ARHGAP39: variants seen among roughly 807,000 people sequenced by gnomAD.
ARHGAP39 encodes rho GTPase-activating protein 39.
Under a neutral mutation model 106.9 loss-of-function variants are expected in ARHGAP39, and 44 were observed. That is an observed-to-expected ratio of 0.41 (90% confidence interval 0.32 to 0.53). The LOEUF (loss-of-function observed/expected upper bound fraction) is 0.53, where lower values mean the gene tolerates loss of function less well. ARHGAP39 is among the 20% of genes least tolerant of loss of function. The pLI, the probability that ARHGAP39 is intolerant of heterozygous loss-of-function variation, is 0.21. For missense variants in ARHGAP39, 1,496 were observed against 1,577.3 expected, an observed-to-expected ratio of 0.95 and a Z score of 0.87; for synonymous variants, 768 against 693.2, an observed-to-expected ratio of 1.11 and a Z score of -1.69.
At chr8:144,681,933 G>A (rs1822430495) in intron 1 of ARHGAP39, among the ~76,000 whole-genome samples, 2 of 152,170 alleles carry the variant, frequency 1.3e-5, no homozygotes. Flanking sequence ...ATCTCCTTGA[G>A]AAATATGGGG....
chr8:144,600,041 G>T (rs1819788125), intron 2 of ARHGAP39, among the ~76,000 whole-genome samples: 1 of 152,234 alleles, frequency 6.6e-6, no homozygotes, highest in Non-Finnish European at 1.5e-5. Context: ...TTGTGCGCGT[G>T]GAGGCATGCA....
intron 3 of ARHGAP39, among the ~76,000 whole-genome samples, chr8:144,558,309 T>C (rs1210923734): frequency 2.0e-5 from 3 of 152,148 alleles, no homozygotes; most frequent in East Asian, 1.9e-4. Context: ...GGCTGGGGGA[T>C]GGAGTCTCTC....
rs1361880102 is a variant in ARHGAP39, at chr8:144,604,010, G to GCGAACAAACGAATGAAGAA, written c.80+1506_80+1524dup. ...CCAACGGAGCTCACAGCCCACATCA[G>GCGAACAAACGAATGAAGAA]CGAACAAACGAATGAAGAACGAACA... On this transcript the variant is annotated intron_variant, in intron 2 of 11. Transcript: ENST00000377307. This position sits in a 1 kb window ranked among gnomAD's most constrained non-coding sequence, Gnocchi z 4.1. Among the ~76,000 whole-genome samples, 1 of 152,238 alleles carries GCGAACAAACGAATGAAGAA rather than the reference G, an allele frequency of 6.6e-6. No individual in the cohort carries two copies. Among genetic ancestry groups the GCGAACAAACGAATGAAGAA allele is most frequent in the South Asian group, 2.1e-4 (1 of 4,834 alleles).
chr8:144,652,623 G>A (rs1423268170), intron 1 of ARHGAP39, among the ~76,000 whole-genome samples: 1 of 152,202 alleles, frequency 6.6e-6, no homozygotes, highest in Non-Finnish European at 1.5e-5. Context: ...CATGGATGGA[G>A]CTGGAGGCTA....
In ARHGAP39 at chr8:144,545,633, T is replaced by G. The variant is rs780985193; in HGVS notation, c.2137A>C (p.Lys713Gln). The G allele has an allele frequency of 6.2e-7, 1 of 1,613,620 alleles. No homozygotes were observed. The highest frequency in any genetic ancestry group is 8.5e-7 in the Non-Finnish European group (1 of 1,180,000). The change falls in exon 6 of 12, where the codon AAG (lysine) becomes CAG (glutamine). Residue 713 changes from lysine to glutamine, a missense_variant. By Grantham distance (53) the Lys-to-Gln change is moderately conservative. Coordinates refer to ENST00000377307, the MANE Select transcript of ARHGAP39 (RefSeq NM_025251.3). The part of the protein sequence containing the change: ...NKHTQGLFRR[K>Q]VSIANMLAWS... Reference sequence around the variant, plus strand: ...GCCAGCATGTTGGCGATGGACACCTTCCGCCGGAAGAGGCCCTGCGTGTGC... The same window carrying G: ...GCCAGCATGTTGGCGATGGACACCTGCCGCCGGAAGAGGCCCTGCGTGTGC...
intron 3 of ARHGAP39, among the ~76,000 whole-genome samples, chr8:144,569,930 A>G (rs1818526413): frequency 6.6e-6 from 1 of 152,184 alleles, no homozygotes. Flanking sequence ...AGAAAAGCGT[A>G]TATGCTGAGG....
At chr8:144,571,666 A>G (rs1432707166) in intron 3 of ARHGAP39, among the ~76,000 whole-genome samples, 3 of 152,206 alleles carry the variant, frequency 2.0e-5, no homozygotes, top group Admixed American at 2.0e-4. Context: ...AAAGAAATAA[A>G]GGGTATTCAA....
intron 4 of ARHGAP39, among the ~76,000 whole-genome samples, chr8:144,551,639 C>T (rs528565618): frequency 1.3e-5 from 2 of 152,172 alleles, no homozygotes; most frequent in East Asian, 1.9e-4. Flanking sequence ...ATGTAGGCAG[C>T]TCTGCTCTTT....
chr8:144,600,033 G>A (rs1819787607), intron 2 of ARHGAP39, among the ~76,000 whole-genome samples: 1 of 152,268 alleles, frequency 6.6e-6, no homozygotes, highest in Admixed American at 6.5e-5. Context: ...GGAGGCGTTT[G>A]TGCGCGTGGA....
intron 2 of ARHGAP39, among the ~76,000 whole-genome samples, chr8:144,600,110 T>C (rs561397573): frequency 2.6e-5 from 4 of 152,110 alleles, no homozygotes; most frequent in African/African-American, 9.6e-5. Flanking sequence ...CTTGTGTACC[T>C]ATGTGTGCGT....
At chr8:144,556,192 G>A (rs1267348432) in intron 3 of ARHGAP39, among the ~76,000 whole-genome samples, 1 of 151,754 alleles carries the variant, frequency 6.6e-6, no homozygotes, top group African/African-American at 2.4e-5. Context: ...GGCTGAGGCA[G>A]GAGAATGGCG....
chr8:144,602,500 CTG>C (rs1380603697), intron 2 of ARHGAP39, among the ~76,000 whole-genome samples: 2 of 118,570 alleles, frequency 1.7e-5, no homozygotes, highest in South Asian at 2.8e-4. Context: ...GCTCATGTAT[CTG>C]TGTACATGGA....
intron 8 of ARHGAP39, among the ~76,000 whole-genome samples, 182 bp from the exon 9 acceptor site, chr8:144,533,507 GC>G (rs1816818668): frequency 6.6e-6 from 1 of 152,086 alleles, no homozygotes; most frequent in Non-Finnish European, 1.5e-5. Context: ...AGCCCTCCTC[GC>G]CCCCCAAACC....
Position 144,530,298 on chromosome 8 carries a change from TGG to T in ARHGAP39, c.*122_*123del. Reference sequence around the variant, plus strand: ...GTGGGGAGCGCCGGGGCCAGGGGCCTGGGGGAGTGGAGGGGGCTCCAGGGCTG... The same window carrying T: ...GTGGGGAGCGCCGGGGCCAGGGGCCTGGGAGTGGAGGGGGCTCCAGGGCTG... On this transcript the variant is annotated 3_prime_UTR_variant, in exon 12 of 12. Transcript: ENST00000377307. 1 of 1,076,196 alleles carries T rather than the reference TGG, an allele frequency of 9.3e-7. No individual in the cohort carries two copies. The highest frequency in any genetic ancestry group is 1.3e-6 in the Non-Finnish European group (1 of 758,700). 66.7% of individuals were successfully genotyped at this position (1,076,196 alleles called of 1,614,324 possible). A position where few individuals can be genotyped will look rare whatever the true frequency, so the allele number is the denominator to read the frequency against.
At chr8:144,566,344 G>A (rs1482150231) in intron 3 of ARHGAP39, among the ~76,000 whole-genome samples, 2 of 152,062 alleles carry the variant, frequency 1.3e-5, no homozygotes, top group Non-Finnish European at 2.9e-5. Context: ...CAGGTGGATC[G>A]CTTGAGTCCA....
intron 1 of ARHGAP39, among the ~76,000 whole-genome samples, chr8:144,616,323 G>A (rs189463374): frequency 5.9e-5 from 9 of 152,328 alleles, no homozygotes; most frequent in African/African-American, 9.6e-5. Context: ...GGCCCCCCAT[G>A]AAAGGGTCCT....
chr8:144,545,560 C>A lies in ARHGAP39; in HGVS notation c.2210G>T (p.Arg737Leu). 1 of 1,613,718 alleles carries A rather than the reference C, an allele frequency of 6.2e-7. No individual in the cohort carries two copies. The highest frequency in any genetic ancestry group is 8.5e-7 in the Non-Finnish European group (1 of 1,180,002). The change falls in exon 6 of 12, where the codon CGG becomes CTG. Residue 737 changes from arginine (R) to leucine (L), a missense_variant. Coordinates refer to ENST00000377307, the MANE Select transcript of ARHGAP39 (RefSeq NM_025251.3). ...IKKPMIVTSD[R>L]HVKKEACELF... ...CTCGCAGGCCTCCTTCTTCACGTGC[C>A]GGTCGCTTGTCACGATCATGGGCTT...
chr8:144,664,104 C>T (rs548556857), intron 1 of ARHGAP39, among the ~76,000 whole-genome samples: 1 of 152,132 alleles, frequency 6.6e-6, no homozygotes, highest in African/African-American at 2.4e-5. Context: ...GAGGCGGAGG[C>T]TGCAGTGAGC....
Position 144,677,987 on chromosome 8 carries a change from G to A in ARHGAP39, c.-82+7699C>T, listed in dbSNP as rs1822286191. Among the ~76,000 whole-genome samples the A allele has an allele frequency of 2.0e-5, 3 of 152,248 alleles. No individual in the cohort carries two copies. In the South Asian group the frequency reaches 6.2e-4, roughly 32 times the overall value. The stretch of plus-strand genomic sequence containing the variant: ...GATGGAAGCAGCCGACGTGGGAAAT[G>A]TGTCAACGAGTCCCTCCCCCTGCTG... On this transcript the variant is annotated intron_variant, in intron 1 of 11. Coordinates refer to ENST00000377307, the MANE Select transcript of ARHGAP39 (RefSeq NM_025251.3).
Sources: gnomAD v4.1 joint callset for allele counts (sites outside exome capture counted in the v4.1 genomes callset) on GRCh38, gnomAD v4.1.1 for gene constraint, Gnocchi (gnomAD v3.1) non-coding constraint, MANE v1.5 for transcripts, NCBI Gene and HGNC (gene_info 2026-07-23, HGNC 2026-07-21) for gene names.